Variants in HS6ST3 observed in about 807,000 individuals in gnomAD.
HS6ST3 encodes heparan sulfate 6-O-sulfotransferase 3.
HS6ST3 carries 12 observed loss-of-function variants against 36.7 expected under a neutral mutation model. That is an observed-to-expected ratio of 0.33 (90% CI 0.21 to 0.53). The LOEUF is 0.53. HS6ST3 is among the 20% of genes least tolerant of loss of function. The pLI, the probability that HS6ST3 is intolerant of heterozygous loss-of-function variation, is 0.95. For missense variants in HS6ST3, 584 were observed against 640.9 expected (o/e 0.91, Z 0.96); for synonymous variants, 240 against 257.5 (o/e 0.93, Z 0.65).
At chr13:96,414,357 T>C (rs2055522605) in intron 1 of HS6ST3, among the ~76,000 whole-genome samples, 1 of 152,246 alleles carries the variant, frequency 6.6e-6, no homozygotes, top group Admixed American at 6.5e-5. Flanking sequence ...CTTAATATCA[T>C]TAGTCTGACC....
intron 1 of HS6ST3, among the ~76,000 whole-genome samples, chr13:96,397,387 C>G (rs528504790): frequency 5.3e-5 from 8 of 152,230 alleles, no homozygotes; most frequent in Non-Finnish European, 7.4e-5. Context: ...TTGATCCACT[C>G]ATTCTTTGTG....
intron 1 of HS6ST3, among the ~76,000 whole-genome samples, chr13:96,575,333 G>C (rs1218670540): frequency 1.3e-5 from 2 of 152,192 alleles, no homozygotes; most frequent in Non-Finnish European, 1.5e-5. Context: ...CCTACCACTT[G>C]TCTACCTTGC....
At chr13:96,118,692 T>TA (rs2053910183) in intron 1 of HS6ST3, among the ~76,000 whole-genome samples, 1 of 34,218 alleles carries the variant, frequency 2.9e-5, no homozygotes, top group African/African-American at 1.4e-4. Context: ...ATATATATTT[T>TA]TTTTTTTTTT....
At chr13:96,403,766 G>A (rs1279380053) in intron 1 of HS6ST3, among the ~76,000 whole-genome samples, 9 of 152,150 alleles carry the variant, frequency 5.9e-5, no homozygotes, top group Non-Finnish European at 8.8e-5. Context: ...TTTCATTAGC[G>A]TGTATCAGGG....
chr13:96,793,457 T>C (rs999150661), intron 1 of HS6ST3, among the ~76,000 whole-genome samples: 3 of 151,970 alleles, frequency 2.0e-5, no homozygotes, highest in African/African-American at 7.2e-5. Flanking sequence ...AGGTATTAAA[T>C]TGATAAATGT....
At chr13:96,823,484 TA>T (rs1204932629) in intron 1 of HS6ST3, among the ~76,000 whole-genome samples, 3 of 152,336 alleles carry the variant, frequency 2.0e-5, no homozygotes, top group African/African-American at 7.2e-5. Flanking sequence ...CTTTTTAAGT[TA>T]AAAACATGTT....
chr13:96,618,760 T>C (rs2056483560), intron 1 of HS6ST3, among the ~76,000 whole-genome samples: 1 of 152,200 alleles, frequency 6.6e-6, no homozygotes, highest in Non-Finnish European at 1.5e-5. Flanking sequence ...GTCATTTACA[T>C]TCAAGCCTTG....
intron 1 of HS6ST3, among the ~76,000 whole-genome samples, chr13:96,687,668 C>A (rs1307164197): frequency 6.6e-6 from 1 of 151,766 alleles, no homozygotes; most frequent in Admixed American, 6.6e-5. Flanking sequence ...TGTATCTAAA[C>A]ATTATTGCGG....
intron 1 of HS6ST3, among the ~76,000 whole-genome samples, chr13:96,583,061 T>C (rs557226737): frequency 6.6e-6 from 1 of 152,176 alleles, no homozygotes; most frequent in African/African-American, 2.4e-5. Flanking sequence ...ACCCCAGCCA[T>C]AGTCTTCTTA....
At chr13:96,602,925 T>C (rs758436283) in intron 1 of HS6ST3, among the ~76,000 whole-genome samples, 39 of 152,296 alleles carry the variant, frequency 2.6e-4, no homozygotes, top group Non-Finnish European at 5.3e-4. Flanking sequence ...GGATGACATG[T>C]TTAATGTAAA....
chr13:96,463,171 G>T (rs2139493179), intron 1 of HS6ST3, among the ~76,000 whole-genome samples: 1 of 152,108 alleles, frequency 6.6e-6, no homozygotes, highest in African/African-American at 2.4e-5. Flanking sequence ...AAAGTGCAGA[G>T]AATACCCGAG....
rs761865813 is a variant in HS6ST3, at chr13:96,091,582, G to C, written c.707+13G>C. 1 of 1,552,732 alleles carries C rather than the reference G, an allele frequency of 6.4e-7. No individual in the cohort carries two copies. The highest frequency in any genetic ancestry group is 8.7e-7 in the Non-Finnish European group (1 of 1,155,190). ...ACAGCCACACCAGGTACTGTCGCCC[G>C]CTGGGTCTCTGTTCTTCCCCCCCAC... is the stretch of plus-strand genomic sequence containing the variant. On this transcript the variant is annotated intron_variant, in intron 1 of 1. Coordinates refer to ENST00000376705, the MANE Select transcript of HS6ST3 (RefSeq NM_153456.4).
intron 1 of HS6ST3, among the ~76,000 whole-genome samples, chr13:96,701,603 A>G (rs115207125): frequency 8.8e-4 from 134 of 152,284 alleles, no homozygotes; most frequent in African/African-American, 3.1e-3. Context: ...GGTCTTAAAA[A>G]GGAGTTCCCA....
intron 1 of HS6ST3, among the ~76,000 whole-genome samples, chr13:96,503,231 T>C (rs947449893): frequency 1.9e-4 from 29 of 152,184 alleles, no homozygotes; most frequent in Admixed American, 1.9e-3. Context: ...CTCCTTCCTC[T>C]TCTTTTTTTG....
At chr13:96,433,694 A>G (rs7320228) in intron 1 of HS6ST3, among the ~76,000 whole-genome samples, 104,232 of 152,046 alleles carry the variant, frequency 0.69, 37,497 homozygotes, top group African/African-American at 0.91. Context: ...TAGCACTTTG[A>G]GAGGTTGAAG....
chr13:96,448,395 T>G (rs992303287), intron 1 of HS6ST3, among the ~76,000 whole-genome samples: 1 of 152,118 alleles, frequency 6.6e-6, no homozygotes, highest in African/African-American at 2.4e-5. Flanking sequence ...TACTCTATGG[T>G]TTTTAAATTA....
chr13:96,687,409 T>G (rs971258353), intron 1 of HS6ST3, among the ~76,000 whole-genome samples: 8 of 152,052 alleles, frequency 5.3e-5, no homozygotes, highest in Non-Finnish European at 1.2e-4. Context: ...TTTGGGCAAC[T>G]TATGTTTGTA....
chr13:96,129,579 A>G (rs1266693274), intron 1 of HS6ST3, among the ~76,000 whole-genome samples: 1 of 152,224 alleles, frequency 6.6e-6, no homozygotes, highest in Non-Finnish European at 1.5e-5. Context: ...TTTGGAGCTT[A>G]TCTTATCTTA....
At chr13:96,748,872 G>A (rs1876627120) in intron 1 of HS6ST3, among the ~76,000 whole-genome samples, 1 of 152,012 alleles carries the variant, frequency 6.6e-6, no homozygotes, top group South Asian at 2.1e-4. Context: ...ACAAATTCTT[G>A]CCATTTTCAT....
Sources: gnomAD v4.1 joint callset for allele counts (sites outside exome capture counted in the v4.1 genomes callset) on GRCh38, gnomAD v4.1.1 for gene constraint, MANE v1.5 for transcripts, NCBI Gene and HGNC (gene_info 2026-07-23, HGNC 2026-07-21) for gene names.